The following PDGFC variants were observed in gnomAD, a reference collection of about 807,000 sequenced individuals.
The protein encoded by PDGFC is platelet-derived growth factor C.
PDGFC carries 12 observed loss-of-function variants against 35.5 expected under a neutral mutation model. That is an observed-to-expected ratio of 0.34 (90% CI 0.22 to 0.55). PDGFC has a LOEUF of 0.55. Ranked by LOEUF, PDGFC falls within the 20% of genes least tolerant of loss-of-function variation. PDGFC has a pLI of 0.91. For synonymous variants in PDGFC, 159 were observed against 148.8 expected, an observed-to-expected ratio of 1.07 and a Z score of -0.50; for missense variants, 322 against 412.4, an observed-to-expected ratio of 0.78 and a Z score of 1.90.
At chr4:156,929,003 C>T (rs1036189357) in intron 1 of PDGFC, among the ~76,000 whole-genome samples, 5 of 152,072 alleles carry the variant, frequency 3.3e-5, no homozygotes, top group African/African-American at 1.2e-4. Context: ...TGAACTCTTC[C>T]AAATAGAAGG....
At chr4:156,848,440 AAGG>A (rs533068713) in intron 2 of PDGFC, among the ~76,000 whole-genome samples, 3 of 151,932 alleles carry the variant, frequency 2.0e-5, no homozygotes, top group Non-Finnish European at 4.4e-5. Flanking sequence ...TCTTTTGCAC[AAGG>A]AGAACTGGAA....
chr4:156,919,883 A>G (rs1731233189), intron 1 of PDGFC, among the ~76,000 whole-genome samples: 1 of 152,144 alleles, frequency 6.6e-6, no homozygotes, highest in Non-Finnish European at 1.5e-5. Context: ...GTGATCCCTA[A>G]TTTTGGAAGT....
chr4:156,946,473 T>C (rs1391789818), intron 1 of PDGFC, among the ~76,000 whole-genome samples: 1 of 152,032 alleles, frequency 6.6e-6, no homozygotes, highest in Admixed American at 6.6e-5. Context: ...TGATGAAAAA[T>C]GGCCTTGGTA....
chr4:156,964,460 CATATATATACAGTATATATATAGTGAT>C (rs1732417858), intron 1 of PDGFC, among the ~76,000 whole-genome samples: 1 of 147,052 alleles, frequency 6.8e-6, no homozygotes, highest in South Asian at 2.1e-4. Context: ...ATATATAGTA[CATATATATACAGTATATATATAGTGAT>C]ATATATATAC....
At chr4:156,932,103 T>C (rs1427551786) in intron 1 of PDGFC, among the ~76,000 whole-genome samples, 5 of 152,218 alleles carry the variant, frequency 3.3e-5, no homozygotes, top group African/African-American at 9.6e-5. Flanking sequence ...ATTAAGAACA[T>C]TTAATGTGCT....
intron 3 of PDGFC, among the ~76,000 whole-genome samples, chr4:156,783,597 C>T (rs751676396): frequency 2.0e-5 from 3 of 152,156 alleles, no homozygotes; most frequent in Non-Finnish European, 4.4e-5. Flanking sequence ...TATATATACA[C>T]GACTACCTCT....
chr4:156,810,339 T>C (rs1246998675), intron 3 of PDGFC, among the ~76,000 whole-genome samples: 1 of 151,892 alleles, frequency 6.6e-6, no homozygotes, highest in African/African-American at 2.4e-5. Flanking sequence ...AGCTACATAA[T>C]AAAACTGATC....
intron 1 of PDGFC, among the ~76,000 whole-genome samples, chr4:156,966,186 G>C (rs571704333): frequency 1.3e-5 from 2 of 152,322 alleles, no homozygotes; most frequent in East Asian, 3.9e-4. Flanking sequence ...GTTGGAGGCA[G>C]TGGTGGTGAA....
chr4:156,908,204 T>G (rs1730961962), intron 1 of PDGFC, among the ~76,000 whole-genome samples: 1 of 152,002 alleles, frequency 6.6e-6, no homozygotes, highest in African/African-American at 2.4e-5. Context: ...TATATCTCAT[T>G]TAACAAAACA....
chr4:156,789,811 A>C (rs951505668), intron 3 of PDGFC, among the ~76,000 whole-genome samples: 1 of 151,836 alleles, frequency 6.6e-6, no homozygotes, highest in Non-Finnish European at 1.5e-5. Flanking sequence ...CACATCTCTA[A>C]TAAAAATACA....
At position 156,761,137 on chromosome 4, in the gene PDGFC, C is replaced by T. The variant is rs1730365731; in HGVS notation, c.*1953G>A. ...GGCCCTGGACACTAGACATCTCTGC[C>T]AAGTTGAAAGGCTGAGGAAAGGATG... is the stretch of plus-strand genomic sequence containing the variant. On this transcript the variant is annotated 3_prime_UTR_variant, in exon 6 of 6. Coordinates refer to ENST00000502773, the MANE Select transcript of PDGFC (RefSeq NM_016205.3). 6.6e-6 allele frequency: 1 copy of T among 152,180 alleles called. No homozygotes were observed. Among genetic ancestry groups the T allele is most frequent in the Non-Finnish European group, 1.5e-5 (1 of 68,074 alleles). The allele number at this position is 152,180 out of a possible 1,614,324, so 9.4% of individuals were successfully genotyped here. A position where few individuals can be genotyped will look rare whatever the true frequency, so the allele number is the denominator to read the frequency against.
At chr4:156,776,137 G>A (rs1378567423) in intron 3 of PDGFC, among the ~76,000 whole-genome samples, 1 of 151,920 alleles carries the variant, frequency 6.6e-6, no homozygotes, top group Non-Finnish European at 1.5e-5. Context: ...AAAAAAAAAT[G>A]TCTTTGAATT....
chr4:156,923,599 T>C (rs562517236), intron 1 of PDGFC, among the ~76,000 whole-genome samples: 1 of 152,282 alleles, frequency 6.6e-6, no homozygotes, highest in East Asian at 1.9e-4. Flanking sequence ...TAAAATGAAA[T>C]ATGAAAGCAA....
intron 1 of PDGFC, among the ~76,000 whole-genome samples, chr4:156,850,715 G>A (rs910532926): frequency 3.9e-5 from 6 of 152,012 alleles, no homozygotes; most frequent in Non-Finnish European, 7.4e-5. Context: ...CAATAAAGCT[G>A]AGTTAACATT....
intron 3 of PDGFC, chr4:156,778,131 A>G (rs943968708): frequency 7.6e-6 from 2 of 262,648 alleles, no homozygotes; most frequent in African/African-American, 4.6e-5. Flanking sequence ...AAAATAAAAA[A>G]TAAGGCAAAT....
chr4:156,809,537 A>G (rs1731872174), intron 3 of PDGFC, among the ~76,000 whole-genome samples: 1 of 152,000 alleles, frequency 6.6e-6, no homozygotes, highest in South Asian at 2.1e-4. Context: ...ATTTATTGAG[A>G]GACTATTATG....
At chr4:156,843,109 C>T (rs1268894802) in intron 2 of PDGFC, among the ~76,000 whole-genome samples, 1 of 152,068 alleles carries the variant, frequency 6.6e-6, no homozygotes, top group African/African-American at 2.4e-5. Context: ...ATCCTAACCC[C>T]TAAGGTGATG....
At chr4:156,887,820 G>A (rs997075358) in intron 1 of PDGFC, among the ~76,000 whole-genome samples, 2 of 151,574 alleles carry the variant, frequency 1.3e-5, no homozygotes. Context: ...GCAACATGGC[G>A]AAAATCTGTC....
chr4:156,937,350 G>A (rs188025831), intron 1 of PDGFC, among the ~76,000 whole-genome samples: 1 of 151,956 alleles, frequency 6.6e-6, no homozygotes, highest in South Asian at 2.1e-4. Context: ...ATTTCTTCTG[G>A]AGACCACCAC....
Sources: gnomAD v4.1 joint callset for allele counts (sites outside exome capture counted in the v4.1 genomes callset) on GRCh38, gnomAD v4.1.1 for gene constraint, MANE v1.5 for transcripts, NCBI Gene and HGNC (gene_info 2026-07-23, HGNC 2026-07-21) for gene names.